Variants in GAS7 observed in about 807,000 individuals in gnomAD.
GAS7 encodes growth arrest-specific protein 7.
GAS7 carries 28 observed loss-of-function variants against 71.1 expected under a neutral mutation model. The observed-to-expected ratio is 0.39, with a 90% confidence interval of 0.29 to 0.54. The LOEUF is 0.54. GAS7 is among the 20% of genes least tolerant of loss of function. The pLI, the probability that GAS7 is intolerant of heterozygous loss-of-function variation, is 0.62. For synonymous variants in GAS7, 258 were observed against 245.8 expected (o/e 1.05, Z -0.46); for missense variants, 436 against 627.8 (o/e 0.69, Z 3.27).
At chr17:10,008,485 G>C (rs746649386) in intron 2 of GAS7, among the ~76,000 whole-genome samples, 1 of 152,118 alleles carries the variant, frequency 6.6e-6, no homozygotes, top group Non-Finnish European at 1.5e-5. Flanking sequence ...TACTTGTGTG[G>C]GTCTTCAACT....
intron 1 of GAS7, among the ~76,000 whole-genome samples, chr17:10,045,630 G>A (rs994665699): frequency 6.6e-6 from 1 of 152,164 alleles, no homozygotes; most frequent in African/African-American, 2.4e-5. Context: ...CCAGGAGACA[G>A]AGATTGCAGT....
At chr17:10,109,970 C>G (rs1417381647) in intron 1 of GAS7, among the ~76,000 whole-genome samples, 1 of 149,742 alleles carries the variant, frequency 6.7e-6, no homozygotes, top group Non-Finnish European at 1.5e-5. Flanking sequence ...AGGAGAATCA[C>G]TTGAACCCGG....
At chr17:10,050,862 G>A (rs2073053195) in intron 1 of GAS7, among the ~76,000 whole-genome samples, 1 of 152,162 alleles carries the variant, frequency 6.6e-6, no homozygotes, top group South Asian at 2.1e-4. Context: ...GAAGACTCCA[G>A]CAGCTTCTAG....
chr17:9,932,918 A>C (rs1484833047), intron 9 of GAS7, among the ~76,000 whole-genome samples: 3 of 152,140 alleles, frequency 2.0e-5, no homozygotes, highest in Non-Finnish European at 2.9e-5. Flanking sequence ...CACGCCTATA[A>C]TCCTAGCACT....
intron 1 of GAS7, among the ~76,000 whole-genome samples, chr17:10,152,907 G>C (rs1448077151): frequency 6.6e-6 from 1 of 151,966 alleles, no homozygotes; most frequent in Non-Finnish European, 1.5e-5. Context: ...AGAAATCAAT[G>C]AGAAACCTGG....
intron 1 of GAS7, among the ~76,000 whole-genome samples, chr17:10,192,995 C>T (rs2074513858): frequency 6.6e-6 from 1 of 152,122 alleles, no homozygotes; most frequent in Admixed American, 6.5e-5. Flanking sequence ...AGGTCACACT[C>T]ATTTTGGGTG....
In GAS7 at chr17:10,124,800, C is replaced by T. The variant is rs981647569; in HGVS notation, c.183+73408G>A. ...GAGCATGGTGGTGCGCACCTGTAAT[C>T]CCAGCTACTCAGGAGGCTGAGGCAA... On this transcript the variant is annotated intron_variant, in intron 1 of 13. Coordinates refer to ENST00000432992, the MANE Select transcript of GAS7 (RefSeq NM_201433.2). 4.6e-5 allele frequency among the ~76,000 whole-genome samples: 7 copies of T among 152,080 alleles called. No homozygotes were observed. The East Asian group carries it at 1.2e-3, about 25-fold the overall frequency.
At chr17:9,965,742 G>A (rs2069680229) in intron 4 of GAS7, among the ~76,000 whole-genome samples, 1 of 152,186 alleles carries the variant, frequency 6.6e-6, no homozygotes, top group African/African-American at 2.4e-5. Context: ...CAGGTGGGCT[G>A]CATTTACCCA....
intron 1 of GAS7, among the ~76,000 whole-genome samples, chr17:10,049,305 C>A (rs2073027986): frequency 6.6e-6 from 1 of 152,074 alleles, no homozygotes; most frequent in South Asian, 2.1e-4. Flanking sequence ...TGGGTAAGAC[C>A]AATAAACCAC....
intron 4 of GAS7, among the ~76,000 whole-genome samples, chr17:9,967,161 C>G (rs1336735050): frequency 7.7e-6 from 1 of 129,582 alleles, no homozygotes; most frequent in African/African-American, 3.0e-5. Context: ...ATACTGGTAC[C>G]TACTTTGTAG....
intron 2 of GAS7, among the ~76,000 whole-genome samples, chr17:9,995,142 T>C (rs1257618659): frequency 6.6e-6 from 1 of 152,198 alleles, no homozygotes; most frequent in Non-Finnish European, 1.5e-5. Flanking sequence ...GAAGAATCTC[T>C]TTCTGCCTCA....
intron 1 of GAS7, among the ~76,000 whole-genome samples, chr17:10,072,230 G>T (rs992368403): frequency 1.3e-5 from 2 of 152,122 alleles, no homozygotes; most frequent in Non-Finnish European, 2.9e-5. Flanking sequence ...CTCACTCAGC[G>T]CTATTACCTG....
intron 5 of GAS7, among the ~76,000 whole-genome samples, chr17:9,953,250 A>G (rs1355379501): frequency 1.3e-5 from 2 of 152,156 alleles, no homozygotes; most frequent in African/African-American, 4.8e-5. Flanking sequence ...AGGAACAGAA[A>G]ACAGGTTGGG....
At chr17:10,036,545 G>A in intron 1 of GAS7, 1 of 1,584,430 alleles carries the variant, frequency 6.3e-7, no homozygotes, top group Non-Finnish European at 8.6e-7. Context: ...CCTCTTCATG[G>A]CAGCCTCTCC....
intron 1 of GAS7, among the ~76,000 whole-genome samples, chr17:10,070,292 G>A (rs2073325690): frequency 6.6e-6 from 1 of 150,826 alleles, no homozygotes; most frequent in Non-Finnish European, 1.5e-5. Context: ...CACCAGCCTG[G>A]GTCAGCTGCC....
intron 1 of GAS7, among the ~76,000 whole-genome samples, chr17:10,115,363 A>G (rs1467553032): frequency 6.6e-6 from 1 of 152,140 alleles, no homozygotes; most frequent in Non-Finnish European, 1.5e-5. Context: ...GTAGGTTCAT[A>G]ACTAAGCACA....
At chr17:9,987,525 G>A (rs540464475) in intron 2 of GAS7, among the ~76,000 whole-genome samples, 42 of 152,318 alleles carry the variant, frequency 2.8e-4, no homozygotes, top group African/African-American at 1.0e-3. Context: ...AGTGGCACAC[G>A]CCTGTAGTCC....
At chr17:10,175,730 C>T (rs1308224996) in intron 1 of GAS7, among the ~76,000 whole-genome samples, 5 of 152,174 alleles carry the variant, frequency 3.3e-5, no homozygotes, top group African/African-American at 1.2e-4. Context: ...CAACTCCTGG[C>T]CTTAAGTGAT....
intron 1 of GAS7, among the ~76,000 whole-genome samples, chr17:10,197,052 T>G (rs1381265465): frequency 6.6e-6 from 1 of 152,228 alleles, no homozygotes; most frequent in Non-Finnish European, 1.5e-5. Context: ...TTTGTTGTTC[T>G]CTGGACCTGA....
Sources: gnomAD v4.1 joint callset for allele counts (sites outside exome capture counted in the v4.1 genomes callset) on GRCh38, gnomAD v4.1.1 for gene constraint, MANE v1.5 for transcripts, NCBI Gene and HGNC (gene_info 2026-07-23, HGNC 2026-07-21) for gene names.